The following NRIP1 variants were observed in gnomAD, a reference collection of about 807,000 sequenced individuals.
The protein encoded by NRIP1 is nuclear receptor-interacting protein 1.
In NRIP1, 28 loss-of-function variants were observed where a neutral mutation model predicts 75.0. That is an observed-to-expected ratio of 0.37 (90% CI 0.28 to 0.51). The LOEUF (loss-of-function observed/expected upper bound fraction) is 0.51. Among genes scored for constraint, NRIP1 ranks in the 20% least tolerant of loss-of-function variants. NRIP1 has a pLI of 0.92. For synonymous variants in NRIP1, 526 were observed against 487.6 expected (o/e 1.08, Z -1.04); for missense variants, 1,435 against 1,343.7 (o/e 1.07, Z -1.06).
rs2086606967 is a variant in NRIP1, at chr21:14,962,044, A to ATAT, written c.*2671_*2672insATA. 7.0e-6 allele frequency: 1 copy of ATAT among 143,374 alleles called. No homozygotes were observed. Among genetic ancestry groups the ATAT allele is most frequent in the Non-Finnish European group, 1.5e-5 (1 of 64,926 alleles). The allele number at this position is 143,374 out of a possible 1,614,324, so 8.9% of individuals were successfully genotyped here. A position where few individuals can be genotyped will look rare whatever the true frequency, so the allele number is the denominator to read the frequency against. On this transcript the variant is annotated 3_prime_UTR_variant, in exon 4 of 4. Coordinates refer to ENST00000318948, the MANE Select transcript of NRIP1 (RefSeq NM_003489.4). ...ATATATATATATATATATATATATA[A>ATAT]AATATATACTCTCACCAGTTTACTC...
At position 15,031,092 on chromosome 21, in the gene NRIP1, C is replaced by T. The variant is rs77574043; in HGVS notation, c.-458+12403G>A. Among the ~76,000 whole-genome samples the T allele has an allele frequency of 9.2e-3, 229 of 24,776 alleles. 4 individuals are homozygous for T. The highest frequency in any genetic ancestry group is 0.023 in the African/African-American group (111 of 4,776). The allele number at this position is 24,776 out of a possible 152,430, so 16.3% of individuals were successfully genotyped here. A position where few individuals can be genotyped will look rare whatever the true frequency, so the allele number is the denominator to read the frequency against. On this transcript the variant is annotated intron_variant, in intron 2 of 3. Coordinates refer to ENST00000318948, the MANE Select transcript of NRIP1 (RefSeq NM_003489.4). ...ATGTGTGTACACTCTGGAAGGCGCT[C>T]GGAGGATCACCACATTCCCTTTCTA...
rs538436127 is a variant in NRIP1, at chr21:14,983,552, G to GA, written c.-334-15027dup. 2.0e-3 allele frequency among the ~76,000 whole-genome samples: 303 copies of GA among 152,304 alleles called. 1 individual carries two copies. The highest frequency in any genetic ancestry group is 6.5e-3 in the African/African-American group (270 of 41,570). ...GATCCAGCTGAGTGAGATAAATGAT[G>GA]AAGGTGGTTACACTAAACAACAGAT... On this transcript the variant is annotated intron_variant, in intron 3 of 3. Coordinates refer to ENST00000318948, the MANE Select transcript of NRIP1 (RefSeq NM_003489.4).
chr21:15,038,257 A>G (rs1211997632), intron 2 of NRIP1, among the ~76,000 whole-genome samples: 2 of 152,084 alleles, frequency 1.3e-5, no homozygotes, highest in Admixed American at 6.6e-5. Flanking sequence ...CTTTAATTAA[A>G]TTTTTGTACT....
chr21:14,966,386 T>G lies in NRIP1; in HGVS notation c.1807A>C (p.Thr603Pro), dbSNP rs748764236. Residue 603 changes from threonine to proline, a missense_variant, in exon 4 of 4, where the codon ACA becomes CCA. Physicochemically the swap from Thr to Pro is conservative, Grantham distance 38. Coordinates refer to ENST00000318948, the MANE Select transcript of NRIP1 (RefSeq NM_003489.4). ...TCTCCTGGTGGGTCTTTGCTTTTTG[T>G]AAGGTCCATTGAGTGGTTAGATGCA... is the stretch of plus-strand genomic sequence containing the variant. ...NTASNHSMDL[T>P]KSKDPPGEKP... 1 of 1,614,072 alleles carries G rather than the reference T, an allele frequency of 6.2e-7. No individual in the cohort carries two copies. Among genetic ancestry groups the G allele is most frequent in the Non-Finnish European group, 8.5e-7 (1 of 1,179,984 alleles).
At chr21:15,004,385 A>ATG (rs920559862) in intron 3 of NRIP1, among the ~76,000 whole-genome samples, 2 of 152,236 alleles carry the variant, frequency 1.3e-5, no homozygotes, top group African/African-American at 4.8e-5. Flanking sequence ...AATAACTGCC[A>ATG]TGTGTGCTTC....
intron 2 of NRIP1, among the ~76,000 whole-genome samples, chr21:15,024,317 T>C (rs1272724410): frequency 1.3e-5 from 2 of 151,912 alleles, no homozygotes; most frequent in East Asian, 1.9e-4. Context: ...CTAAGGTGGG[T>C]GGATCATTTG....
intron 2 of NRIP1, among the ~76,000 whole-genome samples, chr21:15,015,102 A>G (rs2088194087): frequency 6.6e-6 from 1 of 152,220 alleles, no homozygotes; most frequent in South Asian, 2.1e-4. Context: ...AATACACACA[A>G]CACATACGGA....
At chr21:15,043,307 C>T (rs999270414) in intron 2 of NRIP1, among the ~76,000 whole-genome samples, 188 bp downstream of exon 2, 1 of 152,126 alleles carries the variant, frequency 6.6e-6, no homozygotes, top group African/African-American at 2.4e-5. Context: ...ACGTTTTATT[C>T]GCTTACACAA....
intron 3 of NRIP1, among the ~76,000 whole-genome samples, chr21:14,995,988 G>A (rs1411340739): frequency 6.6e-6 from 1 of 151,998 alleles, no homozygotes; most frequent in Non-Finnish European, 1.5e-5. Flanking sequence ...ACCTTATCTC[G>A]CATCATTTAG....
chr21:14,981,015 G>T (rs939183170), intron 3 of NRIP1, among the ~76,000 whole-genome samples: 1 of 152,176 alleles, frequency 6.6e-6, no homozygotes, highest in Non-Finnish European at 1.5e-5. Flanking sequence ...AGCTGTGGAA[G>T]AGAAATATCA....
chr21:15,023,129 TA>T (rs199804293), intron 2 of NRIP1, among the ~76,000 whole-genome samples: 2 of 152,074 alleles, frequency 1.3e-5, no homozygotes, highest in African/African-American at 4.8e-5. Flanking sequence ...ATGAAACTGT[TA>T]AAAAAAGACT....
chr21:14,982,227 G>A (rs1223130246), intron 3 of NRIP1, among the ~76,000 whole-genome samples: 2 of 151,930 alleles, frequency 1.3e-5, no homozygotes, highest in Non-Finnish European at 2.9e-5. Context: ...TTGTGTTTTG[G>A]TCTTTCCCTT....
chr21:15,035,033 C>T (rs575237897), intron 2 of NRIP1, among the ~76,000 whole-genome samples: 39 of 152,102 alleles, frequency 2.6e-4, no homozygotes, highest in African/African-American at 8.2e-4. Context: ...CCTCATCTTA[C>T]AGATCAAAAA....
At position 15,033,224 on chromosome 21, in the gene NRIP1, C is replaced by CAA. The variant is rs11379755; in HGVS notation, c.-458+10269_-458+10270dup. ...TGGGCGACAGAGCGAGACTCTGTCT[C>CAA]AAAAAAAAAAAAAAAAAAATACTGC... On this transcript the variant is annotated intron_variant, in intron 2 of 3. Coordinates refer to ENST00000318948, the MANE Select transcript of NRIP1 (RefSeq NM_003489.4). Among the ~76,000 whole-genome samples the CAA allele has an allele frequency of 0.018, 2,032 of 110,484 alleles. 153 individuals are homozygous for CAA. In the East Asian group the frequency reaches 0.32, roughly 17 times the overall value. 72.5% of individuals were successfully genotyped at this position (110,484 alleles called of 152,430 possible).
intron 3 of NRIP1, among the ~76,000 whole-genome samples, chr21:14,983,212 C>T (rs201206398): frequency 8.0e-6 from 1 of 125,496 alleles, no homozygotes; most frequent in Non-Finnish European, 1.7e-5. Flanking sequence ...ATTGCAAATA[C>T]AAAAAAAAAA....
At chr21:15,024,542 A>G (rs2088466531) in intron 2 of NRIP1, among the ~76,000 whole-genome samples, 1 of 151,456 alleles carries the variant, frequency 6.6e-6, no homozygotes, top group Admixed American at 6.6e-5. Flanking sequence ...TCATATACAC[A>G]CACACACAAA....
chr21:14,980,147 T>C (rs1332935588), intron 3 of NRIP1, among the ~76,000 whole-genome samples: 1 of 152,124 alleles, frequency 6.6e-6, no homozygotes, highest in Non-Finnish European at 1.5e-5. Flanking sequence ...ACTTTAGTTA[T>C]CAACAATGAC....
intron 2 of NRIP1, among the ~76,000 whole-genome samples, chr21:15,021,195 G>A (rs1264082664): frequency 6.6e-6 from 1 of 152,092 alleles, no homozygotes; most frequent in African/African-American, 2.4e-5. Flanking sequence ...AGCATAAAGT[G>A]TAACCAACAA....
chr21:14,991,009 TG>T (rs2087557166), intron 3 of NRIP1, among the ~76,000 whole-genome samples: 1 of 152,110 alleles, frequency 6.6e-6, no homozygotes, highest in Non-Finnish European at 1.5e-5. Flanking sequence ...ACTATTAGGT[TG>T]CCGCATGTCT....
Sources: allele counts gnomAD v4.1 joint callset (sites outside exome capture counted in the v4.1 genomes callset), GRCh38; gene constraint gnomAD v4.1.1; transcripts MANE v1.5; gene names NCBI Gene and HGNC (gene_info 2026-07-23, HGNC 2026-07-21).